DNAJC11: variants seen among roughly 807,000 people sequenced by gnomAD.
DNAJC11 encodes dnaJ homolog subfamily C member 11.
In DNAJC11, 15 loss-of-function variants were observed where a neutral mutation model predicts 78.6. That is an observed-to-expected ratio of 0.19 (90% CI 0.13 to 0.29). The LOEUF is 0.29. DNAJC11 is among the 10% of genes least tolerant of loss of function. The pLI is 1.00. For synonymous variants in DNAJC11, 292 were observed against 272.1 expected (o/e 1.07, Z -0.72); for missense variants, 547 against 709.6 (o/e 0.77, Z 2.60).
intron 1 of DNAJC11, among the ~76,000 whole-genome samples, chr1:6,694,722 T>C (rs972630464): frequency 6.6e-6 from 1 of 151,478 alleles, no homozygotes; most frequent in Non-Finnish European, 1.5e-5. Flanking sequence ...TCGCAGCACT[T>C]TGGGAGGCTG....
At chr1:6,657,121 G>A (rs1451697505) in intron 4 of DNAJC11, among the ~76,000 whole-genome samples, 1 of 152,058 alleles carries the variant, frequency 6.6e-6, no homozygotes, top group East Asian at 1.9e-4. Context: ...AACCTCTCAG[G>A]TTCACAAAAG....
chr1:6,634,605 C>G lies in DNAJC11; in HGVS notation c.*1070G>C, dbSNP rs756421137. 1 of 1,366,352 alleles carries G rather than the reference C, an allele frequency of 7.3e-7. No individual in the cohort carries two copies. The highest frequency in any genetic ancestry group is 9.8e-7 in the Non-Finnish European group (1 of 1,021,830). The allele number at this position is 1,366,352 out of a possible 1,614,324, so 84.6% of individuals were successfully genotyped here. On this transcript the variant is annotated 3_prime_UTR_variant, in exon 16 of 16. Transcript: ENST00000377577. ...GCTGCCACTTCCAGGCCCCGAGAGA[C>G]AGGCCTCACGTAACTTTACTGCAGC... is the stretch of plus-strand genomic sequence containing the variant.
intron 10 of DNAJC11, among the ~76,000 whole-genome samples, chr1:6,642,225 G>A (rs574677173): frequency 3.8e-4 from 58 of 152,234 alleles, no homozygotes; most frequent in Non-Finnish European, 6.2e-4. Flanking sequence ...TTTGGCCTCC[G>A]ACTGGAATTG....
At chr1:6,657,579 C>A (rs530342805) in intron 4 of DNAJC11, among the ~76,000 whole-genome samples, 1 of 152,336 alleles carries the variant, frequency 6.6e-6, no homozygotes, top group South Asian at 2.1e-4. Context: ...CATAATCAGA[C>A]CACTGATACT....
At position 6,634,404 on chromosome 1, in the gene DNAJC11, C is replaced by A; in HGVS notation, c.*1271G>T. ...GACAACCCGAACTGCTTTTCAAAACCAGAGGAAGGAGGTTCTTAGCCGTTA... is the reference window on the plus strand; with the variant it reads ...GACAACCCGAACTGCTTTTCAAAACAAGAGGAAGGAGGTTCTTAGCCGTTA... On this transcript the variant is annotated 3_prime_UTR_variant, in exon 16 of 16. Coordinates refer to ENST00000377577, the MANE Select transcript of DNAJC11 (RefSeq NM_018198.4). The A allele has an allele frequency of 8.1e-7, 1 of 1,227,642 alleles. No individual in the cohort carries two copies. The highest frequency in any genetic ancestry group is 1.1e-6 in the Non-Finnish European group (1 of 949,976). The allele number at this position is 1,227,642 out of a possible 1,614,324, so 76.0% of individuals were successfully genotyped here.
intron 4 of DNAJC11, among the ~76,000 whole-genome samples, chr1:6,665,809 C>T (rs993073348): frequency 1.3e-5 from 2 of 152,150 alleles, no homozygotes; most frequent in Non-Finnish European, 2.9e-5. Context: ...CCAGCCAGAA[C>T]ATCAAAAACA....
In DNAJC11 at chr1:6,645,196, C is replaced by CAGAGCTAGTGGGAGGGCAGA; in HGVS notation, c.895-71_895-70insTCTGCCCTCCCACTAGCTCT. The CAGAGCTAGTGGGAGGGCAGA allele has an allele frequency of 1.6e-6, 2 of 1,236,058 alleles. No homozygotes were observed. Among genetic ancestry groups the CAGAGCTAGTGGGAGGGCAGA allele is most frequent in the Non-Finnish European group, 2.4e-6 (2 of 842,120 alleles). 76.6% of individuals were successfully genotyped at this position (1,236,058 alleles called of 1,614,324 possible). ...CTCTGTGGGGAGATGGGTATCTGCC[C>CAGAGCTAGTGGGAGGGCAGA]TCCCACTAGCTCTGGGCATCTGCTG... On this transcript the variant is annotated intron_variant, in intron 8 of 15. Coordinates refer to ENST00000377577, the MANE Select transcript of DNAJC11 (RefSeq NM_018198.4). The surrounding 1 kb of genome is among the most constrained non-coding windows in gnomAD (Gnocchi z 4.1).
intron 7 of DNAJC11, chr1:6,651,031 A>T (rs781744223): frequency 1.9e-6 from 1 of 533,132 alleles, no homozygotes; most frequent in East Asian, 5.4e-5. Flanking sequence ...TAGGAAATGA[A>T]GACACTGCTG....
chr1:6,646,600 C>T (rs914425671), intron 7 of DNAJC11, among the ~76,000 whole-genome samples: 7 of 152,176 alleles, frequency 4.6e-5, no homozygotes, highest in Admixed American at 3.3e-4. Flanking sequence ...GTGACCACAG[C>T]TGGGTACTAG....
chr1:6,696,938 T>C (rs760082099), intron 1 of DNAJC11, among the ~76,000 whole-genome samples: 2 of 152,200 alleles, frequency 1.3e-5, no homozygotes, highest in African/African-American at 2.4e-5. Context: ...CTGTAGCCAT[T>C]TGTCTTGGGA....
intron 3 of DNAJC11, among the ~76,000 whole-genome samples, chr1:6,676,653 C>T (rs1642466588): frequency 6.6e-6 from 1 of 152,058 alleles, no homozygotes; most frequent in Non-Finnish European, 1.5e-5. Context: ...ACACTGCAGC[C>T]TGGGCGACAG....
rs553861229 is a variant in DNAJC11 at position 6,653,686 on chromosome 1, T to A, written c.507+225A>T. 14 of 458,844 alleles carry A rather than the reference T, an allele frequency of 3.1e-5. No homozygotes were observed. Among genetic ancestry groups the A allele is most frequent in the Non-Finnish European group, 5.4e-5 (14 of 260,610 alleles). The allele number at this position is 458,844 out of a possible 1,614,324, so 28.4% of individuals were successfully genotyped here. On this transcript the variant is annotated intron_variant, in intron 5 of 15. Transcript: ENST00000377577. The surrounding 1 kb of genome is among the most constrained non-coding windows in gnomAD (Gnocchi z 4.5). ...CCCTCTGCTGGAAAGGCCCAAGACC[T>A]TGGGAGCCAAGTGCCCCAGCCCACA...
At chr1:6,659,415 C>T (rs1642174791) in intron 4 of DNAJC11, among the ~76,000 whole-genome samples, 1 of 152,206 alleles carries the variant, frequency 6.6e-6, no homozygotes, top group Non-Finnish European at 1.5e-5. Flanking sequence ...TTGTCATCTG[C>T]TTCCCATCCT....
chr1:6,665,012 GC>G (rs1642273544), intron 4 of DNAJC11, among the ~76,000 whole-genome samples: 1 of 152,194 alleles, frequency 6.6e-6, no homozygotes, highest in African/African-American at 2.4e-5. Context: ...ACCCCTCTGA[GC>G]TGAGGTCCTC....
chr1:6,662,128 GTTTTTTGTT>G, intron 4 of DNAJC11, among the ~76,000 whole-genome samples: 1 of 137,874 alleles, frequency 7.3e-6, no homozygotes. Context: ...ATTGTTTTTT[GTTTTTTGTT>G]TTTTTTTTTT....
intron 4 of DNAJC11, among the ~76,000 whole-genome samples, chr1:6,655,590 AG>A (rs1642114225): frequency 1.3e-5 from 2 of 152,168 alleles, no homozygotes; most frequent in South Asian, 4.1e-4. Flanking sequence ...TGGGAGGCTG[AG>A]GGAGTGGGAT....
Position 6,653,789 on chromosome 1 carries a change from G to T in DNAJC11, c.507+122C>A. ...CGCTTTCTTTTTTAAGTGGCTAATT[G>T]CATCCTTTCATAAATAAAGATGAGA... On this transcript the variant is annotated intron_variant, in intron 5 of 15. Transcript: ENST00000377577. This position sits in a 1 kb window ranked among gnomAD's most constrained non-coding sequence, Gnocchi z 4.5. The T allele has an allele frequency of 1.5e-6, 2 of 1,306,246 alleles. No homozygotes were observed. The highest frequency in any genetic ancestry group is 1.1e-6 in the Non-Finnish European group (1 of 945,400). The allele number at this position is 1,306,246 out of a possible 1,614,324, so 80.9% of individuals were successfully genotyped here.
At chr1:6,658,824 C>A (rs1011916603) in intron 4 of DNAJC11, among the ~76,000 whole-genome samples, 3 of 152,172 alleles carry the variant, frequency 2.0e-5, no homozygotes, top group African/African-American at 7.2e-5. Context: ...GACATCAATA[C>A]TCACAGGCCA....
chr1:6,685,119 TA>T (rs1642632053), intron 1 of DNAJC11, among the ~76,000 whole-genome samples: 1 of 152,064 alleles, frequency 6.6e-6, no homozygotes, highest in Admixed American at 6.6e-5. Context: ...CAAAAAAATT[TA>T]AAAAAATTAT....
Sources: gnomAD v4.1 joint callset for allele counts (sites outside exome capture counted in the v4.1 genomes callset) on GRCh38, gnomAD v4.1.1 for gene constraint, Gnocchi (gnomAD v3.1) non-coding constraint, MANE v1.5 for transcripts, NCBI Gene and HGNC (gene_info 2026-07-23, HGNC 2026-07-21) for gene names.